SYT14: variants seen among roughly 807,000 people sequenced by gnomAD.
SYT14 encodes synaptotagmin 14, also known as synaptotagmin-14.
In SYT14, 32 loss-of-function variants were observed where a neutral mutation model predicts 74.2. That is an observed-to-expected ratio of 0.43 (90% CI 0.33 to 0.58). The LOEUF is 0.58. Ranked by LOEUF, SYT14 falls within the 20% of genes least tolerant of loss-of-function variation. The probability of loss-of-function intolerance (pLI) is 0.05; values close to 1 mark genes in which losing one functional copy is unlikely to be tolerated. For missense variants in SYT14, 791 were observed against 981.8 expected (o/e 0.81, Z 2.60); for synonymous variants, 298 against 337.7 (o/e 0.88, Z 1.29).
intron 2 of SYT14, among the ~76,000 whole-genome samples, chr1:209,976,805 T>A (rs1167749588): frequency 6.6e-6 from 1 of 152,110 alleles, no homozygotes; most frequent in African/African-American, 2.4e-5. Flanking sequence ...GACAGTGGGG[T>A]GTTAAAGTCT....
intron 7 of SYT14, among the ~76,000 whole-genome samples, chr1:210,143,961 A>G (rs540740622): frequency 1.3e-4 from 20 of 152,154 alleles, no homozygotes; most frequent in Non-Finnish European, 2.6e-4. Flanking sequence ...TTACTATATT[A>G]TTTTTATAGA....
At chr1:210,004,978 G>C (rs1286774641) in intron 2 of SYT14, among the ~76,000 whole-genome samples, 1 of 151,954 alleles carries the variant, frequency 6.6e-6, no homozygotes, top group Non-Finnish European at 1.5e-5. Context: ...ATTCAGGTGG[G>C]AGCACAGTAT....
At chr1:209,949,252 C>A (rs190969823) in intron 1 of SYT14, among the ~76,000 whole-genome samples, 1 of 152,050 alleles carries the variant, frequency 6.6e-6, no homozygotes, top group African/African-American at 2.4e-5. Context: ...TCCTTATACT[C>A]CTCCCAGTCT....
chr1:210,000,463 T>TACACACACACACAC (rs1238374511), intron 2 of SYT14, among the ~76,000 whole-genome samples: 26 of 67,800 alleles, frequency 3.8e-4, no homozygotes, highest in African/African-American at 2.3e-3. Context: ...TTTGTCCTCA[T>TACACACACACACAC]ACGCACACAC....
intron 2 of SYT14, among the ~76,000 whole-genome samples, chr1:209,986,773 G>A (rs980321279): frequency 1.1e-4 from 16 of 152,026 alleles, no homozygotes; most frequent in East Asian, 3.9e-4. Flanking sequence ...ACAGGCATGC[G>A]CCACCATGCC....
intron 7 of SYT14, among the ~76,000 whole-genome samples, chr1:210,111,145 T>A (rs1439428099): frequency 6.6e-6 from 1 of 152,196 alleles, no homozygotes; most frequent in Non-Finnish European, 1.5e-5. Flanking sequence ...GCAATAAAGC[T>A]TTTTAATCAC....
chr1:209,958,002 C>G (rs1168286640), intron 2 of SYT14, among the ~76,000 whole-genome samples: 1 of 151,882 alleles, frequency 6.6e-6, no homozygotes, highest in African/African-American at 2.4e-5. Flanking sequence ...GAAATCCTTC[C>G]TTAACCCTAA....
At chr1:210,141,545 CT>C (rs1348367875) in intron 7 of SYT14, among the ~76,000 whole-genome samples, 1 of 152,164 alleles carries the variant, frequency 6.6e-6, no homozygotes, top group African/African-American at 2.4e-5. Context: ...TTCTCCTAGA[CT>C]AGTCGCCCCC....
intron 1 of SYT14, among the ~76,000 whole-genome samples, chr1:209,951,988 C>T (rs2078919092): frequency 6.6e-6 from 1 of 152,014 alleles, no homozygotes; most frequent in South Asian, 2.1e-4. Flanking sequence ...CAAAGTAGTG[C>T]CTAGGAAGAT....
chr1:210,052,406 T>C (rs1051758703), intron 5 of SYT14, among the ~76,000 whole-genome samples: 2 of 151,970 alleles, frequency 1.3e-5, no homozygotes, highest in African/African-American at 4.8e-5. Flanking sequence ...TTCACGCCTG[T>C]AATCCCAGCA....
At chr1:210,035,664 A>G (rs1426386742) in intron 5 of SYT14, among the ~76,000 whole-genome samples, 3 of 151,854 alleles carry the variant, frequency 2.0e-5, no homozygotes, top group African/African-American at 4.8e-5. Flanking sequence ...TTTTCCTAAC[A>G]CCATTTATGG....
intron 7 of SYT14, among the ~76,000 whole-genome samples, chr1:210,118,939 T>A (rs1234346181): frequency 6.6e-6 from 1 of 152,144 alleles, no homozygotes; most frequent in East Asian, 1.9e-4. Flanking sequence ...TAATCTAAAA[T>A]AACAATAAAG....
intron 7 of SYT14, among the ~76,000 whole-genome samples, chr1:210,130,884 A>G (rs2082659366): frequency 6.6e-6 from 1 of 152,238 alleles, no homozygotes. Flanking sequence ...TCCTATTTTA[A>G]TGAACATATA....
At chr1:209,961,834 T>A (rs1476693329) in intron 2 of SYT14, among the ~76,000 whole-genome samples, 1 of 152,114 alleles carries the variant, frequency 6.6e-6, no homozygotes, top group Non-Finnish European at 1.5e-5. Flanking sequence ...ACCTACCTAC[T>A]GAGTTACTAA....
chr1:210,063,403 A>G lies in SYT14; in HGVS notation c.1313-30919A>G, dbSNP rs547170775. Reference sequence around the variant, plus strand: ...GGACTTGTATCTATTTCTGAACTTTATTGTGTTCCAATTAATTTCTCTATG... The same window carrying G: ...GGACTTGTATCTATTTCTGAACTTTGTTGTGTTCCAATTAATTTCTCTATG... On this transcript the variant is annotated intron_variant, in intron 5 of 9. Transcript: ENST00000637265. 3.0e-4 allele frequency among the ~76,000 whole-genome samples: 46 copies of G among 151,892 alleles called. No individual in the cohort carries two copies. In the South Asian group the frequency reaches 9.1e-3, roughly 30 times the overall value.
intron 7 of SYT14, among the ~76,000 whole-genome samples, chr1:210,108,338 T>C (rs1440699020): frequency 6.6e-6 from 1 of 152,168 alleles, no homozygotes; most frequent in Non-Finnish European, 1.5e-5. Context: ...GAAGGAATAA[T>C]CAGCTTTGTC....
chr1:209,985,356 T>TA (rs1437887428), intron 2 of SYT14, among the ~76,000 whole-genome samples: 2 of 152,250 alleles, frequency 1.3e-5, no homozygotes, highest in African/African-American at 4.8e-5. Context: ...CATTAAATCT[T>TA]AAAAGTTCCA....
intron 5 of SYT14, among the ~76,000 whole-genome samples, chr1:210,044,491 A>G (rs2080849739): frequency 6.6e-6 from 1 of 152,212 alleles, no homozygotes; most frequent in Admixed American, 6.5e-5. Context: ...CTTTTAATGA[A>G]TCAAAGCCAT....
At chr1:210,110,914 T>C (rs2082250012) in intron 7 of SYT14, among the ~76,000 whole-genome samples, 1 of 152,096 alleles carries the variant, frequency 6.6e-6, no homozygotes, top group Non-Finnish European at 1.5e-5. Context: ...CCAGCTAACT[T>C]TGTATTTTTA....
Sources: allele counts gnomAD v4.1 joint callset (sites outside exome capture counted in the v4.1 genomes callset), GRCh38; gene constraint gnomAD v4.1.1; transcripts MANE v1.5; gene names NCBI Gene and HGNC (gene_info 2026-07-23, HGNC 2026-07-21).